Variants in KLHDC4 observed in about 807,000 individuals in gnomAD.
KLHDC4 encodes the protein kelch domain-containing protein 4.
KLHDC4 carries 90 observed loss-of-function variants against 62.4 expected under a neutral mutation model. The observed-to-expected ratio is 1.44, with a 90% CI of 1.22 to 1.72. KLHDC4 has a LOEUF of 1.72. Ranked by LOEUF, KLHDC4 falls within the 40% of genes most tolerant of loss-of-function variation. The pLI is 0.00. For missense variants in KLHDC4, 1,025 were observed against 699.7 expected, an observed-to-expected ratio of 1.47 and a Z score of -5.25; for synonymous variants, 386 against 284.4, an observed-to-expected ratio of 1.36 and a Z score of -3.59.
intron 6 of KLHDC4, among the ~76,000 whole-genome samples, chr16:87,729,985 G>A (rs6540075): frequency 0.66 from 99,597 of 152,032 alleles, 33,247 homozygotes; most frequent in African/African-American, 0.79. Context: ...ACGAAGTCTC[G>A]CTTTGTCACC....
intron 7 of KLHDC4, among the ~76,000 whole-genome samples, chr16:87,724,085 G>A (rs1415793700): frequency 1.3e-5 from 2 of 152,052 alleles, no homozygotes; most frequent in South Asian, 2.1e-4. Flanking sequence ...TGATCCGCCC[G>A]ACTCAGCCTC....
intron 1 of KLHDC4, 106 bp downstream of exon 1, chr16:87,765,686 C>G: frequency 9.1e-7 from 1 of 1,099,328 alleles, no homozygotes; most frequent in Admixed American, 2.8e-5. Flanking sequence ...TCCCGCAGGG[C>G]CGGCGCGGCT....
rs953539151 is a variant in KLHDC4 at position 87,709,650 on chromosome 16, C to T, written c.1062G>A (p.Lys354=). The T allele has an allele frequency of 2.5e-6, 4 of 1,601,126 alleles. No homozygotes were observed. The Admixed American group carries it at 6.9e-5, about 28-fold the overall frequency. ...EGQLKGPKSE[K]KKRRRGRKEE... is the part of the protein sequence containing the mutation. ...CTTTTCTGCCCCGCCTGCGTTTCTT[C>T]TTTTCAGACTTGGGTCCCTATTAAT... Residue 354 remains lysine, a synonymous_variant, in exon 10 of 12, where the codon AAG becomes AAA. Coordinates refer to ENST00000270583, the MANE Select transcript of KLHDC4 (RefSeq NM_017566.4).
chr16:87,700,846 A>AGGAGGTT (rs1222895881), exon 1 of KLHDC4: 5 of 153,286 alleles, frequency 3.3e-5, no homozygotes, highest in Non-Finnish European at 6.1e-5. Flanking sequence ...GGGCGGAGGG[A>AGGAGGTT]GGAGGTTGGA....
At chr16:87,725,271 T>A (rs746981734) in intron 7 of KLHDC4, among the ~76,000 whole-genome samples, 1 of 152,192 alleles carries the variant, frequency 6.6e-6, no homozygotes, top group African/African-American at 2.4e-5. Context: ...CCCCTCACTG[T>A]GGGTCAATGA....
chr16:87,731,214 C>A (rs1462802621), intron 5 of KLHDC4, among the ~76,000 whole-genome samples: 1 of 151,690 alleles, frequency 6.6e-6, no homozygotes, highest in Non-Finnish European at 1.5e-5. Context: ...CAAGCGTGCA[C>A]CACCACACCT....
At chr16:87,745,569 T>A (rs1050493909) in intron 5 of KLHDC4, among the ~76,000 whole-genome samples, 5 of 152,268 alleles carry the variant, frequency 3.3e-5, no homozygotes, top group Non-Finnish European at 5.9e-5. Flanking sequence ...TTCTGCTGAA[T>A]GTCTTGCTCA....
downstream of KLHDC4, chr16:87,707,672 T>C (rs1421229613): frequency 5.1e-6 from 1 of 197,454 alleles, no homozygotes; most frequent in Non-Finnish European, 1.1e-5. Context: ...AGAAACCTGC[T>C]TCTCGAGGGT....
chr16:87,760,454 A>T (rs1041884893), intron 2 of KLHDC4, among the ~76,000 whole-genome samples: 1 of 151,436 alleles, frequency 6.6e-6, no homozygotes, highest in African/African-American at 2.4e-5. Flanking sequence ...AAAAACACAA[A>T]AAATTAGCCA....
At chr16:87,756,555 CCT>C (rs1259636294) in intron 2 of KLHDC4, 78 bp from the exon 3 acceptor site, 25 of 1,024,672 alleles carry the variant, frequency 2.4e-5, no homozygotes, top group Admixed American at 7.6e-5. Context: ...CTCACAGAAT[CCT>C]CTGTCACCAC....
chr16:87,713,284 C>T (rs1209634205), intron 8 of KLHDC4, among the ~76,000 whole-genome samples: 1 of 152,070 alleles, frequency 6.6e-6, no homozygotes, highest in Non-Finnish European at 1.5e-5. Flanking sequence ...ACTGCAAGCT[C>T]CACCTCCGAG....
chr16:87,703,998 G>T (rs902330982), downstream of KLHDC4, among the ~76,000 whole-genome samples: 2 of 152,370 alleles, frequency 1.3e-5, no homozygotes, highest in South Asian at 4.1e-4. Flanking sequence ...GCGGTCACTA[G>T]CAAGTTCCTT....
At chr16:87,721,888 C>T (rs569888746) in intron 7 of KLHDC4, among the ~76,000 whole-genome samples, 175 of 152,118 alleles carry the variant, frequency 1.2e-3, no homozygotes, top group African/African-American at 4.0e-3. Flanking sequence ...CTCCGCCCCT[C>T]GCTGCCCATG....
intron 3 of KLHDC4, chr16:87,755,653 G>A (rs1333671987): frequency 2.1e-5 from 4 of 192,474 alleles, no homozygotes; most frequent in African/African-American, 4.7e-5. Context: ...TGCAACCTCC[G>A]CCTCCCAGGT....
rs1275753949 is a variant in KLHDC4 at position 87,708,431 on chromosome 16, C to T, written c.1483G>A (p.Glu495Lys). Reference protein sequence around the residue: ...QEWLEETDSEEDSEEVEGAEG... With the variant: ...QEWLEETDSEKDSEEVEGAEG... The stretch of plus-strand genomic sequence containing the variant: ...GCGCCCTCAACCTCCTCACTGTCCT[C>T]TTCCGAGTCCGTCTCCTCCAGCCAC... Residue 495 changes from glutamate to lysine, a missense_variant, in exon 11 of 12, where the codon GAG becomes AAG. Coordinates refer to ENST00000270583, the MANE Select transcript of KLHDC4 (RefSeq NM_017566.4). 1 of 1,611,246 alleles carries T rather than the reference C, an allele frequency of 6.2e-7. No individual in the cohort carries two copies. Among genetic ancestry groups the T allele is most frequent in the Admixed American group, 1.7e-5 (1 of 59,774 alleles).
chr16:87,705,657 A>G (rs959494796), downstream of KLHDC4, among the ~76,000 whole-genome samples: 18 of 152,250 alleles, frequency 1.2e-4, no homozygotes, highest in African/African-American at 4.3e-4. Context: ...TGTCTCTCAT[A>G]ACAGACAACT....
rs139529069 is a variant in KLHDC4 at position 87,760,163 on chromosome 16, C to G, written c.191+1786G>C. Among the ~76,000 whole-genome samples, 237 of 151,484 alleles carry G rather than the reference C, an allele frequency of 1.6e-3. 1 individual carries two copies. The highest frequency in any genetic ancestry group is 5.6e-3 in the African/African-American group (230 of 41,228). On this transcript the variant is annotated intron_variant, in intron 2 of 11. Coordinates refer to ENST00000270583, the MANE Select transcript of KLHDC4 (RefSeq NM_017566.4). ...AGCTGACCCAGGGAACTGCCAACAC[C>G]TTAAATTATATCCTGACATGAAATC...
Position 87,734,715 on chromosome 16 carries a change from A to G in KLHDC4, c.507-4071T>C, listed in dbSNP as rs564672137. Among the ~76,000 whole-genome samples, 4 of 152,264 alleles carry G rather than the reference A, an allele frequency of 2.6e-5. No individual in the cohort carries two copies. In the East Asian group the frequency reaches 5.8e-4, roughly 22 times the overall value. On this transcript the variant is annotated intron_variant, in intron 5 of 11. Transcript: ENST00000270583. The stretch of plus-strand genomic sequence containing the variant: ...TGGGGTGGCCTCTTCACATAGGGAT[A>G]CCCAGCAGGATCTCAGCTCACTAAG...
chr16:87,730,823 G>A, intron 5 of KLHDC4, 179 bp from the exon 6 acceptor site: 1 of 545,518 alleles, frequency 1.8e-6, no homozygotes, highest in Non-Finnish European at 3.2e-6. Context: ...CCTGCTAAGA[G>A]CCCAGCTAGC....
Sources: gnomAD v4.1 joint callset for allele counts (sites outside exome capture counted in the v4.1 genomes callset) on GRCh38, gnomAD v4.1.1 for gene constraint, MANE v1.5 for transcripts, NCBI Gene and HGNC (gene_info 2026-07-23, HGNC 2026-07-21) for gene names.